OTOG: variants seen among roughly 807,000 people sequenced by gnomAD.
The protein encoded by OTOG is otogelin.
A neutral mutation model predicts 313.8 loss-of-function variants in OTOG; 296 were observed. The observed-to-expected ratio is 0.94, with a 90% CI of 0.86 to 1.04. The LOEUF (loss-of-function observed/expected upper bound fraction) is 1.04. OTOG is among the 50% of genes least tolerant of loss of function. The pLI, the probability that OTOG is intolerant of heterozygous loss-of-function variation, is 0.00. For missense variants in OTOG, 3,948 were observed against 3,840.1 expected, an observed-to-expected ratio of 1.03 and a Z score of -0.74; for synonymous variants, 1,533 against 1,554.9, an observed-to-expected ratio of 0.99 and a Z score of 0.33.
At chr11:17,596,743 C>G (rs990168394) in intron 29 of OTOG, 108 bp from the exon 30 acceptor site, 2 of 951,178 alleles carry the variant, frequency 2.1e-6, no homozygotes, top group Non-Finnish European at 3.2e-6. Flanking sequence ...GGATAGCTCA[C>G]CCTATCCCGT....
chr11:17,578,296 C>T (rs1852583948), intron 22 of OTOG, 77 bp from the exon 23 acceptor site: 8 of 1,410,630 alleles, frequency 5.7e-6, no homozygotes, highest in Non-Finnish European at 7.4e-6. Flanking sequence ...TCCCTCCATC[C>T]TCCAGCTGCT....
chr11:17,632,630 C>T (rs1382348070), intron 42 of OTOG, among the ~76,000 whole-genome samples: 3 of 152,140 alleles, frequency 2.0e-5, no homozygotes, highest in Admixed American at 1.3e-4. Context: ...CCGTCCAGCA[C>T]ACCTTAATTC....
chr11:17,593,392 A>G, intron 26 of OTOG, 65 bp downstream of exon 26: 8 of 1,525,790 alleles, frequency 5.2e-6, no homozygotes, highest in South Asian at 1.2e-5. Context: ...GGGGCAGAAG[A>G]GGGCTGAGGA....
At chr11:17,581,144 A>G (rs951574144) in intron 23 of OTOG, among the ~76,000 whole-genome samples, 1 of 152,192 alleles carries the variant, frequency 6.6e-6, no homozygotes, top group Non-Finnish European at 1.5e-5. Flanking sequence ...CTGAGCACCC[A>G]GCAGTTCACC....
chr11:17,593,985 C>T, intron 27 of OTOG, 62 bp from the exon 28 acceptor site: 1 of 1,545,736 alleles, frequency 6.5e-7, no homozygotes. Flanking sequence ...ATGGTGACCC[C>T]TCTGCCCGTG....
At chr11:17,632,255 A>T (rs756230066) in intron 42 of OTOG, 29 bp downstream of exon 42, 22 of 1,539,686 alleles carry the variant, frequency 1.4e-5, no homozygotes, top group Admixed American at 2.0e-5. Flanking sequence ...GGGACCCTCC[A>T]TTGTGACTAT....
At chr11:17,596,527 C>T (rs1382810273) in intron 29 of OTOG, among the ~76,000 whole-genome samples, 2 of 152,236 alleles carry the variant, frequency 1.3e-5, no homozygotes, top group African/African-American at 2.4e-5. Context: ...ACCCTGCAGG[C>T]CTTGAAGGCT....
chr11:17,571,660 TG>T (rs1187243713), intron 17 of OTOG, among the ~76,000 whole-genome samples: 1 of 152,140 alleles, frequency 6.6e-6, no homozygotes, highest in Non-Finnish European at 1.5e-5. Context: ...CCTGAAGAGC[TG>T]GGGGTGGGGA....
At chr11:17,614,603 C>T (rs1467682864) in intron 39 of OTOG, among the ~76,000 whole-genome samples, 2 of 152,136 alleles carry the variant, frequency 1.3e-5, no homozygotes, top group Non-Finnish European at 2.9e-5. Context: ...GTCAACCCCT[C>T]CCCCCTCCTG....
chr11:17,568,158 T>C (rs1027736129), intron 15 of OTOG, among the ~76,000 whole-genome samples: 7 of 152,230 alleles, frequency 4.6e-5, no homozygotes, highest in Non-Finnish European at 1.0e-4. Context: ...CCGCCCACCT[T>C]GGCCTCCCAG....
Position 17,641,942 on chromosome 11 carries a change from C to T in OTOG, c.8286C>T (p.Ser2762=). Reference sequence around the variant, plus strand: ...TCACCTTCCCCAATGGCACCACCTCCCTGTTCTTGGTAAGCAGCCCCCTCG... The same window carrying T: ...TCACCTTCCCCAATGGCACCACCTCTCTGTTCTTGGTAAGCAGCCCCCTCG... ...CLFTFPNGTT[S]LFLPGASWIA... The change falls in exon 52 of 56, where the codon TCC becomes TCT. Residue 2762 remains serine (S), a synonymous_variant. Transcript: ENST00000399397. 6.5e-7 allele frequency: 1 copy of T among 1,550,288 alleles called. No individual in the cohort carries two copies. The highest frequency in any genetic ancestry group is 8.7e-7 in the Non-Finnish European group (1 of 1,146,826).
chr11:17,588,952 T>C (rs1852869052), intron 24 of OTOG, among the ~76,000 whole-genome samples: 1 of 152,108 alleles, frequency 6.6e-6, no homozygotes. Context: ...CCCTACCACC[T>C]CTCTGCTGCC....
chr11:17,616,627 T>C (rs967864647), intron 39 of OTOG, among the ~76,000 whole-genome samples: 3 of 152,216 alleles, frequency 2.0e-5, no homozygotes, highest in Non-Finnish European at 2.9e-5. Flanking sequence ...GTTTATATTT[T>C]TTGGTGCTAT....
At chr11:17,552,721 G>A (rs1037034653) in intron 4 of OTOG, among the ~76,000 whole-genome samples, 3 of 151,414 alleles carry the variant, frequency 2.0e-5, no homozygotes, top group Admixed American at 6.6e-5. Flanking sequence ...GGTTACCCCC[G>A]TGGCTTCTTC....
In OTOG at chr11:17,597,184, A is replaced by G. The variant is rs114639778; in HGVS notation, c.3682+177A>G. Among the ~76,000 whole-genome samples the G allele has an allele frequency of 7.0e-4, 107 of 152,328 alleles. 1 individual carries two copies. The highest frequency in any genetic ancestry group is 2.5e-3 in the African/African-American group (103 of 41,576). On this transcript the variant is annotated intron_variant, in intron 30 of 55. Transcript: ENST00000399397. ...CAACTACCCTTTGAAACAGGGCTAT[A>G]TATTTCCTATTTTACAGTTGAAGAA...
intron 50 of OTOG, 25 bp downstream of exon 50, chr11:17,640,845 G>C (rs1305579580): frequency 6.5e-7 from 1 of 1,550,168 alleles, no homozygotes; most frequent in Non-Finnish European, 8.7e-7. Flanking sequence ...CCTCGGGGCA[G>C]AGCCATGCAG....
intron 33 of OTOG, 45 bp from the exon 34 acceptor site, chr11:17,608,251 G>C (rs1853437065): frequency 2.3e-6 from 3 of 1,327,184 alleles, no homozygotes; most frequent in Non-Finnish European, 3.1e-6. Context: ...GACTCCCTCT[G>C]TGTCTTCACC....
chr11:17,643,594 G>A lies in OTOG; in HGVS notation c.8461+88G>A, dbSNP rs1276468672. On this transcript the variant is annotated intron_variant, in intron 54 of 55. Coordinates refer to ENST00000399397, the MANE Select transcript of OTOG (RefSeq NM_001292063.2). ...CAGGGGACAGAGGACCAGGTTCCTG[G>A]CCTGGCACCTAAAATGATAGCTCTT... 8.1e-6 allele frequency: 8 copies of A among 989,262 alleles called. No homozygotes were observed. The East Asian group carries it at 2.2e-4, about 28-fold the overall frequency. The allele number at this position is 989,262 out of a possible 1,614,324, so 61.3% of individuals were successfully genotyped here. A position where few individuals can be genotyped will look rare whatever the true frequency, so the allele number is the denominator to read the frequency against.
chr11:17,568,214 C>T (rs1056151525), intron 15 of OTOG, among the ~76,000 whole-genome samples: 24 of 152,122 alleles, frequency 1.6e-4, no homozygotes, highest in African/African-American at 5.6e-4. Context: ...GCCAGTAACA[C>T]TTTCTTAATC....
Sources: gnomAD v4.1 joint callset for allele counts (sites outside exome capture counted in the v4.1 genomes callset) on GRCh38, gnomAD v4.1.1 for gene constraint, MANE v1.5 for transcripts, NCBI Gene and HGNC (gene_info 2026-07-23, HGNC 2026-07-21) for gene names.